The following NEDD4 variants were observed in gnomAD, a reference collection of about 807,000 sequenced individuals.
The protein encoded by NEDD4 is E3 ubiquitin-protein ligase NEDD4.
In NEDD4, 99 loss-of-function variants were observed where a neutral mutation model predicts 144.9. That is an observed-to-expected ratio of 0.68 (90% CI 0.58 to 0.81). The LOEUF (loss-of-function observed/expected upper bound fraction) is 0.81. Among genes scored for constraint, NEDD4 ranks in the 30% least tolerant of loss-of-function variants. NEDD4 has a pLI of 0.00. For missense variants in NEDD4, 985 were observed against 1,065.9 expected (o/e 0.92, Z 1.06); for synonymous variants, 318 against 350.6 (o/e 0.91, Z 1.04).
chr15:55,967,993 A>G lies in NEDD4; in HGVS notation c.46-1447T>C, dbSNP rs573922057. Among the ~76,000 whole-genome samples the G allele has an allele frequency of 1.0e-3, 153 of 152,300 alleles. No homozygotes were observed. The Middle Eastern group carries it at 0.017, about 17-fold the overall frequency. ...ACTCCAGCCTGGGTGACAGAGCAAG[A>G]CCTTATTTTAAAAAATTTATAAAAT... On this transcript the variant is annotated intron_variant, in intron 1 of 28. Transcript: ENST00000435532.
At chr15:55,943,657 G>T (rs564771522) in intron 4 of NEDD4, among the ~76,000 whole-genome samples, 2 of 152,316 alleles carry the variant, frequency 1.3e-5, no homozygotes, top group African/African-American at 4.8e-5. Flanking sequence ...ACAGAAGTCT[G>T]GATATTGCAG....
At chr15:55,852,710 T>A (rs1289935958) in intron 12 of NEDD4, among the ~76,000 whole-genome samples, 167 bp from the exon 13 acceptor site, 3 of 146,386 alleles carry the variant, frequency 2.0e-5, no homozygotes, top group Admixed American at 6.8e-5. Context: ...TATATATATA[T>A]ATATATATAT....
In NEDD4 at chr15:55,993,591, C is replaced by T. The variant is rs2038026284; in HGVS notation, c.-36G>A. The T allele has an allele frequency of 6.3e-7, 1 of 1,587,666 alleles. No individual in the cohort carries two copies. The highest frequency in any genetic ancestry group is 8.5e-7 in the Non-Finnish European group (1 of 1,170,118). ...TTCCAGCAAACCGGACGCGCTCGCCCCCGCCCAGGGCAGGCAACTGTGGAG... is the reference window on the plus strand; with the variant it reads ...TTCCAGCAAACCGGACGCGCTCGCCTCCGCCCAGGGCAGGCAACTGTGGAG... On this transcript the variant is annotated 5_prime_UTR_variant, in exon 1 of 29. Transcript: ENST00000435532.
chr15:55,921,453 T>C (rs2036567706), intron 5 of NEDD4, among the ~76,000 whole-genome samples: 1 of 151,788 alleles, frequency 6.6e-6, no homozygotes, highest in Non-Finnish European at 1.5e-5. Flanking sequence ...GTCTCCAGAG[T>C]AGCCGGGACT....
At chr15:55,836,157 C>T (rs1377207995) in intron 24 of NEDD4, among the ~76,000 whole-genome samples, 1 of 152,162 alleles carries the variant, frequency 6.6e-6, no homozygotes, top group Non-Finnish European at 1.5e-5. Context: ...TTTGTCCCTT[C>T]CTTTGCCCCT....
At chr15:55,977,748 T>C (rs887401690) in intron 1 of NEDD4, among the ~76,000 whole-genome samples, 1 of 151,226 alleles carries the variant, frequency 6.6e-6, no homozygotes, top group Non-Finnish European at 1.5e-5. Context: ...TTTTTTTTTT[T>C]AATTTAAAAA....
intron 5 of NEDD4, among the ~76,000 whole-genome samples, chr15:55,885,303 G>T (rs1216186178): frequency 6.6e-6 from 1 of 152,140 alleles, no homozygotes; most frequent in Non-Finnish European, 1.5e-5. Flanking sequence ...ATGCTAAAGG[G>T]AGTTCTTCAG....
chr15:55,859,569 C>T (rs890982000), intron 11 of NEDD4, among the ~76,000 whole-genome samples: 13 of 152,002 alleles, frequency 8.6e-5, no homozygotes, highest in African/African-American at 2.4e-4. Context: ...TGGTGGTGTG[C>T]GCCTGTAATC....
chr15:55,832,181 G>GAAAA (rs200591357), intron 27 of NEDD4, among the ~76,000 whole-genome samples: 1 of 124,746 alleles, frequency 8.0e-6, no homozygotes, highest in African/African-American at 3.0e-5. Context: ...CCCCTATCTT[G>GAAAA]AAAAAAAAAA....
chr15:55,887,903 T>C (rs1234208882), intron 5 of NEDD4, among the ~76,000 whole-genome samples: 4 of 152,364 alleles, frequency 2.6e-5, no homozygotes, highest in Middle Eastern at 6.8e-3. Context: ...ATCATTTCAA[T>C]TGATGCTGAA....
chr15:55,932,615 A>T (rs1454703039), intron 4 of NEDD4, among the ~76,000 whole-genome samples: 1 of 152,234 alleles, frequency 6.6e-6, no homozygotes, highest in African/African-American at 2.4e-5. Flanking sequence ...ATGGGCAAGG[A>T]CTTCATGACT....
At chr15:55,988,486 T>TAAAAAAAAAAAAAAAAAAAAAAA (rs1491422042) in intron 1 of NEDD4, among the ~76,000 whole-genome samples, 3 of 32,900 alleles carry the variant, frequency 9.1e-5, no homozygotes, top group Non-Finnish European at 1.5e-4. Flanking sequence ...AAAAAAAAAA[T>TAAAAAAAAAAAAAAAAAAAAAAA]TAAAAAAAAA....
intron 4 of NEDD4, 74 bp from the exon 5 acceptor site, chr15:55,924,773 G>C: frequency 6.8e-7 from 1 of 1,460,076 alleles, no homozygotes; most frequent in Non-Finnish European, 9.4e-7. Context: ...AATGCTTAAA[G>C]ATGCTGCCAT....
intron 13 of NEDD4, among the ~76,000 whole-genome samples, chr15:55,851,773 G>A (rs566765846): frequency 5.9e-5 from 9 of 151,878 alleles, no homozygotes; most frequent in South Asian, 2.1e-4. Flanking sequence ...CACCTTGCCC[G>A]GCCCAGCATA....
At chr15:55,955,358 C>T (rs1047870013) in intron 2 of NEDD4, among the ~76,000 whole-genome samples, 2 of 152,112 alleles carry the variant, frequency 1.3e-5, no homozygotes, top group African/African-American at 4.8e-5. Flanking sequence ...TTTAATTGCA[C>T]ATACATTAAT....
intron 5 of NEDD4, among the ~76,000 whole-genome samples, chr15:55,876,939 A>C (rs1351029587): frequency 2.6e-5 from 4 of 151,604 alleles, no homozygotes; most frequent in African/African-American, 9.7e-5. Flanking sequence ...TCCTGGGCTC[A>C]AGCGAGTCTC....
At chr15:55,853,553 C>T (rs2034075897) in intron 12 of NEDD4, among the ~76,000 whole-genome samples, 1 of 152,228 alleles carries the variant, frequency 6.6e-6, no homozygotes, top group African/African-American at 2.4e-5. Context: ...CCCAGGTAAT[C>T]TAACAACAGA....
At chr15:55,835,185 C>A (rs2033137149) in intron 24 of NEDD4, among the ~76,000 whole-genome samples, 1 of 152,158 alleles carries the variant, frequency 6.6e-6, no homozygotes, top group African/African-American at 2.4e-5. Context: ...CCATCTAACC[C>A]CTCAACCCAC....
intron 1 of NEDD4, among the ~76,000 whole-genome samples, chr15:55,975,377 C>A (rs1007792204): frequency 3.3e-5 from 5 of 152,126 alleles, no homozygotes; most frequent in African/African-American, 9.7e-5. Flanking sequence ...CTGATAAGCA[C>A]ATTCAGTAAA....
Sources: allele counts gnomAD v4.1 joint callset (sites outside exome capture counted in the v4.1 genomes callset), GRCh38; gene constraint gnomAD v4.1.1; transcripts MANE v1.5; gene names NCBI Gene and HGNC (gene_info 2026-07-23, HGNC 2026-07-21).